The following CAPRIN1 variants were observed in gnomAD, a reference collection of about 807,000 sequenced individuals.
The protein encoded by CAPRIN1 is caprin-1.
Under a neutral mutation model 100.9 loss-of-function variants are expected in CAPRIN1, and 29 were observed. That is an observed-to-expected ratio of 0.29 (90% CI 0.21 to 0.39). CAPRIN1 has a LOEUF of 0.39. Ranked by LOEUF, CAPRIN1 falls within the 10% of genes least tolerant of loss-of-function variation. The pLI is 1.00. For missense variants in CAPRIN1, 795 were observed against 876.7 expected, an observed-to-expected ratio of 0.91 and a Z score of 1.18; for synonymous variants, 338 against 307.5, an observed-to-expected ratio of 1.10 and a Z score of -1.04.
At chr11:34,052,381 C>T (rs753275429) in intron 1 of CAPRIN1, 40 bp from the exon 2 acceptor site, 8 of 1,543,742 alleles carry the variant, frequency 5.2e-6, no homozygotes, top group East Asian at 2.3e-5. Context: ...CGCTCTTGTC[C>T]TTCCTCCCGC....
Position 34,090,392 on chromosome 11 carries a change from C to T in CAPRIN1, c.1404+103C>T, listed in dbSNP as rs191613537. ...ATAATGATTCTTCTTTTTGGACCTA[C>T]TTTGCTTTCATGAAATATTTGAGTT... On this transcript the variant is annotated intron_variant, in intron 13 of 18. Transcript: ENST00000341394. The T allele has an allele frequency of 1.7e-4, 216 of 1,267,874 alleles. No homozygotes were observed. The African/African-American group carries it at 2.3e-3, about 13-fold the overall frequency. 78.5% of individuals were successfully genotyped at this position (1,267,874 alleles called of 1,614,324 possible).
intron 15 of CAPRIN1, among the ~76,000 whole-genome samples, chr11:34,093,647 A>G (rs1418950249): frequency 6.6e-6 from 1 of 152,154 alleles, no homozygotes; most frequent in African/African-American, 2.4e-5. Context: ...CTCTGATAGA[A>G]GTTATCAGTT....
At chr11:34,073,495 GC>G (rs1298473269) in intron 4 of CAPRIN1, among the ~76,000 whole-genome samples, 1 of 151,990 alleles carries the variant, frequency 6.6e-6, no homozygotes, top group Non-Finnish European at 1.5e-5. Context: ...TTGCTCTGTC[GC>G]CCAGGCTGGA....
intron 7 of CAPRIN1, 140 bp downstream of exon 7, chr11:34,079,905 G>GCTTTTT (rs1850980473): frequency 9.5e-6 from 3 of 316,642 alleles, no homozygotes; most frequent in African/African-American, 8.7e-5. Context: ...GCATGACAAA[G>GCTTTTT]TTTTTTTTTT....
At chr11:34,079,487 G>T in intron 6 of CAPRIN1, 141 bp from the exon 7 acceptor site, 3 of 608,476 alleles carry the variant, frequency 4.9e-6, no homozygotes, top group Non-Finnish European at 2.8e-6. Context: ...TCTGTTCTTG[G>T]TGAAATGTAA....
Position 34,090,535 on chromosome 11 carries a change from A to C in CAPRIN1, c.1411A>C (p.Ile471Leu). 1 of 1,611,892 alleles carries C rather than the reference A, an allele frequency of 6.2e-7. No individual in the cohort carries two copies. Among genetic ancestry groups the C allele is most frequent in the Non-Finnish European group, 8.5e-7 (1 of 1,178,330 alleles). ...CTATTCACTTTGTGTTTAGGCAACA[A>C]TCTCTTTAAATACAGACCAGACTAC... ...KEPIDQIQAT[I>L]SLNTDQTTAS... Residue 471 changes from isoleucine to leucine, a missense_variant, in exon 14 of 19, where the codon ATC (isoleucine) becomes CTC (leucine). Physicochemically the swap from Ile to Leu is conservative, Grantham distance 5 (BLOSUM62 2). Coordinates refer to ENST00000341394, the MANE Select transcript of CAPRIN1 (RefSeq NM_005898.5).
At chr11:34,088,968 A>G (rs902719309) in intron 11 of CAPRIN1, among the ~76,000 whole-genome samples, 7 of 152,036 alleles carry the variant, frequency 4.6e-5, no homozygotes, top group African/African-American at 1.2e-4. Context: ...TGGTTTGGCT[A>G]TAGAAATTTA....
rs1438042757 is a variant in CAPRIN1 at position 34,099,581 on chromosome 11, G to C, written c.*214G>C. 1 of 564,562 alleles carries C rather than the reference G, an allele frequency of 1.8e-6. No individual in the cohort carries two copies. Among genetic ancestry groups the C allele is most frequent in the Admixed American group, 3.1e-5 (1 of 32,602 alleles). 35.0% of individuals were successfully genotyped at this position (564,562 alleles called of 1,614,324 possible). ...TTTTACTCTGCATGTTCTGTCCTAAGCGTCATCTTGAGCCTTGCACATGAT... is the reference window on the plus strand; with the variant it reads ...TTTTACTCTGCATGTTCTGTCCTAACCGTCATCTTGAGCCTTGCACATGAT... On this transcript the variant is annotated 3_prime_UTR_variant, in exon 19 of 19. Transcript: ENST00000341394.
At position 34,076,637 on chromosome 11, in the gene CAPRIN1, C is replaced by T. The variant is rs1201518127; in HGVS notation, c.683C>T (p.Thr228Ile). Reference sequence around the variant, plus strand: ...GGGAAGGAAAAACCTGTATGTGGAACCACCTGTGAGTATCACTGTGATAAC... The same window carrying T: ...GGGAAGGAAAAACCTGTATGTGGAATCACCTGTGAGTATCACTGTGATAAC... ...LEGKEKPVCG[T>I]TYKVLKEIVE... The change falls in exon 6 of 19, where the codon ACC becomes ATC. Residue 228 changes from threonine to isoleucine, a missense_variant. Thr to Ile is a moderately conservative substitution (Grantham distance 89). This residue lies in a region of CAPRIN1 where 648 missense variants were observed against 697.9 expected (regional missense o/e 0.93). Transcript: ENST00000341394. The T allele has an allele frequency of 1.9e-6, 3 of 1,604,702 alleles. No homozygotes were observed. Among genetic ancestry groups the T allele is most frequent in the Non-Finnish European group, 2.6e-6 (3 of 1,171,668 alleles).
intron 15 of CAPRIN1, among the ~76,000 whole-genome samples, chr11:34,093,916 CT>C (rs1157664890): frequency 6.9e-6 from 1 of 145,354 alleles, no homozygotes; most frequent in Non-Finnish European, 1.5e-5. Context: ...TACTTTCCTT[CT>C]TGCCGAAAAC....
chr11:34,057,276 A>C (rs1007616193), intron 2 of CAPRIN1, among the ~76,000 whole-genome samples: 1 of 152,200 alleles, frequency 6.6e-6, no homozygotes, highest in Non-Finnish European at 1.5e-5. Flanking sequence ...TGTAATGCTT[A>C]ATTTGTTTCC....
At chr11:34,077,537 C>T (rs1308701838) in intron 6 of CAPRIN1, among the ~76,000 whole-genome samples, 3 of 152,182 alleles carry the variant, frequency 2.0e-5, no homozygotes, top group Non-Finnish European at 4.4e-5. Flanking sequence ...ATTTACGTTT[C>T]ACTCCTTCAG....
At chr11:34,097,054 T>C in intron 16 of CAPRIN1, 142 bp from the exon 17 acceptor site, 1 of 649,078 alleles carries the variant, frequency 1.5e-6, no homozygotes, top group South Asian at 2.0e-5. Flanking sequence ...ATAAACAGAT[T>C]GGATCAAGAT....
Position 34,089,443 on chromosome 11 carries a change from C to T in CAPRIN1, c.1280C>T (p.Pro427Leu), listed in dbSNP as rs1210973258. Residue 427 changes from proline (P) to leucine (L), a missense_variant, in exon 12 of 19, where the codon CCA (proline) becomes CTA (leucine). Pro to Leu is a moderately conservative substitution (Grantham distance 98). Coordinates refer to ENST00000341394, the MANE Select transcript of CAPRIN1 (RefSeq NM_005898.5). ...CAGCCTAATCAAGTTCCTGTACAAC[C>T]AGAAGCGACACAGGTAAGAGTGATA... Reference protein sequence around the residue: ...LAQPNQVPVQPEATQVPLVSS... With the variant: ...LAQPNQVPVQLEATQVPLVSS... 1.2e-6 allele frequency: 2 copies of T among 1,603,042 alleles called. No homozygotes were observed. The highest frequency in any genetic ancestry group is 1.7e-6 in the Non-Finnish European group (2 of 1,171,166).
rs1851048823 is a variant in CAPRIN1 at position 34,082,307 on chromosome 11, C to T, written c.827-518C>T. Among the ~76,000 whole-genome samples the T allele has an allele frequency of 2.6e-5, 4 of 152,126 alleles. No individual in the cohort carries two copies. The South Asian group carries it at 8.3e-4, about 31-fold the overall frequency. On this transcript the variant is annotated intron_variant, in intron 7 of 18. Transcript: ENST00000341394. ...GGTTCAAGCGATTCTCCTGCCTCAG[C>T]CTCCTGAGTAGCTGGGATTGCAGGC...
chr11:34,090,666 A>G lies in CAPRIN1; in HGVS notation c.1542A>G (p.Gln514=), dbSNP rs373153373. 37 of 1,613,562 alleles carry G rather than the reference A, an allele frequency of 2.3e-5. No individual in the cohort carries two copies. Among genetic ancestry groups the G allele is most frequent in the African/African-American group, 5.3e-5 (4 of 74,928 alleles). The part of the protein sequence containing the change: ...SGINVNAAPF[Q]SMQTVFNMNA... ...TCAATGTAAATGCAGCTCCATTCCAATCCATGCAAACGGTAAGCAAATTAA... is the reference window on the plus strand; with the variant it reads ...TCAATGTAAATGCAGCTCCATTCCAGTCCATGCAAACGGTAAGCAAATTAA... The change falls in exon 14 of 19, where the codon CAA becomes CAG. Residue 514 remains glutamine (Q), a synonymous_variant. Transcript: ENST00000341394.
At chr11:34,096,947 C>T (rs562585602) in intron 16 of CAPRIN1, among the ~76,000 whole-genome samples, 4 of 152,232 alleles carry the variant, frequency 2.6e-5, no homozygotes, top group Non-Finnish European at 4.4e-5. Flanking sequence ...CCAAAACTTA[C>T]GGGGATTGTT....
At chr11:34,055,634 A>T (rs1850434705) in intron 2 of CAPRIN1, 1 of 152,196 alleles carries the variant, frequency 6.6e-6, no homozygotes, top group South Asian at 2.1e-4. Flanking sequence ...GCCTCCCCTA[A>T]AGTCATAAAG....
chr11:34,065,871 G>A (rs1444610946), intron 2 of CAPRIN1, among the ~76,000 whole-genome samples: 2 of 152,218 alleles, frequency 1.3e-5, no homozygotes, highest in Non-Finnish European at 2.9e-5. Flanking sequence ...AAGGACAGGG[G>A]ATAGGATATT....
Sources: allele counts gnomAD v4.1 joint callset (sites outside exome capture counted in the v4.1 genomes callset), GRCh38; gene constraint gnomAD v4.1.1; regional missense constraint gnomAD v4.1.1; transcripts MANE v1.5; gene names NCBI Gene and HGNC (gene_info 2026-07-23, HGNC 2026-07-21).